SAMD9: variants seen among roughly 807,000 people sequenced by gnomAD.
SAMD9 encodes the protein sterile alpha motif domain containing 9, also known as sterile alpha motif domain-containing protein 9.
In SAMD9, 3 loss-of-function variants were observed where a neutral mutation model predicts 1.5. The ratio of observed to expected loss-of-function variants is 2.05; its 90% CI spans 0.93 to 5.29. The LOEUF is 5.29. Among genes scored for constraint, SAMD9 ranks in the 30% most tolerant of loss-of-function variants. SAMD9 has a pLI of 0.02. For missense variants in SAMD9, 1,597 were observed against 1,820.8 expected (o/e 0.88, Z 2.24); for synonymous variants, 635 against 631.9 (o/e 1.00, Z -0.07).
In SAMD9 at chr7:93,105,763, T is replaced by C. The variant is rs750585395; in HGVS notation, c.335A>G (p.Gln112Arg). Residue 112 changes from glutamine (Q) to arginine (R), a missense_variant, in exon 3 of 3, where the codon CAA becomes CGA. Gln to Arg is a conservative substitution (Grantham distance 43). This residue lies in a region of SAMD9 where 498 missense variants were observed against 457.4 expected (regional missense o/e 1.09). Transcript: ENST00000379958. ...TGGGTTCTCTTTACCCTTTTGTTTT[T>C]GCTTTGAAGTTTCTCTACGTTCCTT... ...SQKERRETSK[Q>R]KQKGKENPDM... 1 of 1,614,122 alleles carries C rather than the reference T, an allele frequency of 6.2e-7. No homozygotes were observed. Among genetic ancestry groups the C allele is most frequent in the Admixed American group, 1.7e-5 (1 of 60,012 alleles).
intron 1 of SAMD9, among the ~76,000 whole-genome samples, chr7:93,117,409 GC>G (rs1471988613): frequency 6.6e-6 from 1 of 151,922 alleles, no homozygotes; most frequent in Non-Finnish European, 1.5e-5. Flanking sequence ...CTCCAAAGTA[GC>G]TAGACTGCAG....
Position 93,108,734 on chromosome 7 carries a change from G to A in SAMD9, c.-8-2629C>T, listed in dbSNP as rs185200860. On this transcript the variant is annotated intron_variant, in intron 2 of 2. Coordinates refer to ENST00000379958, the MANE Select transcript of SAMD9 (RefSeq NM_017654.4). ...CAGCAGTCTGAGATTGAACTGCAAG[G>A]CGGCAGCAAGCCTGGGGGAGGGGCG... Among the ~76,000 whole-genome samples the A allele has an allele frequency of 2.5e-3, 381 of 152,312 alleles. 3 individuals are homozygous for A. The highest frequency in any genetic ancestry group is 8.5e-3 in the African/African-American group (353 of 41,568).
chr7:93,101,581 G>T lies in SAMD9; in HGVS notation c.4517C>A (p.Pro1506Gln). The change falls in exon 3 of 3, where the codon CCA (proline) becomes CAA (glutamine). Residue 1506 changes from proline (P) to glutamine (Q), a missense_variant. By Grantham distance (76) the Pro-to-Gln change is moderately conservative (BLOSUM62 -1). This residue lies in a region of SAMD9 where 682 missense variants were observed against 810.0 expected (regional missense o/e 0.84). Coordinates refer to ENST00000379958, the MANE Select transcript of SAMD9 (RefSeq NM_017654.4). The part of the protein sequence containing the change: ...GKIDQCFKKT[P>Q]DINSLWQSGD... ...ACTCTGCCACAAGGAATTAATATCT[G>T]GTGTCTTCTTAAAGCACTGGTCAAT... The T allele has an allele frequency of 6.2e-7, 1 of 1,613,764 alleles. No homozygotes were observed. Among genetic ancestry groups the T allele is most frequent in the Non-Finnish European group, 8.5e-7 (1 of 1,179,772 alleles).
At position 93,105,778 on chromosome 7, in the gene SAMD9, C is replaced by G; in HGVS notation, c.320G>C (p.Arg107Thr). The G allele has an allele frequency of 6.2e-7, 1 of 1,614,122 alleles. No homozygotes were observed. Among genetic ancestry groups the G allele is most frequent in the Non-Finnish European group, 8.5e-7 (1 of 1,180,010 alleles). Residue 107 changes from arginine to threonine, a missense_variant, in exon 3 of 3, where the codon AGA (arginine) becomes ACA (threonine). Arg to Thr is a moderately conservative substitution (Grantham distance 71). This residue lies in a region of SAMD9 where 498 missense variants were observed against 457.4 expected (regional missense o/e 1.09). Coordinates refer to ENST00000379958, the MANE Select transcript of SAMD9 (RefSeq NM_017654.4). ...KDQTVSQKER[R>T]ETSKQKQKGK... Reference sequence around the variant, plus strand: ...CTTTTGTTTTTGCTTTGAAGTTTCTCTACGTTCCTTTTGAGACACAGTTTG... The same window carrying G: ...CTTTTGTTTTTGCTTTGAAGTTTCTGTACGTTCCTTTTGAGACACAGTTTG...
chr7:93,105,426 T>C lies in SAMD9; in HGVS notation c.672A>G (p.Ser224=), dbSNP rs1365864321. 2 of 1,614,074 alleles carry C rather than the reference T, an allele frequency of 1.2e-6. No homozygotes were observed. Among genetic ancestry groups the C allele is most frequent in the Admixed American group, 1.7e-5 (1 of 60,016 alleles). Residue 224 remains serine (S), a synonymous_variant, in exon 3 of 3, where the codon TCA becomes TCG. Transcript: ENST00000379958. ...CATTGGTACGTGAATTCATACAAGCTGAAGCAAATCGGAAAACCTCATTGC... is the reference window on the plus strand; with the variant it reads ...CATTGGTACGTGAATTCATACAAGCCGAAGCAAATCGGAAAACCTCATTGC... ...KFSNEVFRFA[S]ACMNSRTNGT... is the part of the protein sequence containing the mutation.
rs2116413009 is a variant in SAMD9 at position 93,101,973 on chromosome 7, T to C, written c.4125A>G (p.Gln1375=). 6.2e-7 allele frequency: 1 copy of C among 1,613,842 alleles called. No homozygotes were observed. ...IVNEYTFLLE[Q]CTVKIQSKEK... is the part of the protein sequence containing the mutation. ...CTTTTGACTGGATTTTGACAGTGCATTGTTCTAAGAGAAAAGTATATTCGT... is the reference window on the plus strand; with the variant it reads ...CTTTTGACTGGATTTTGACAGTGCACTGTTCTAAGAGAAAAGTATATTCGT... Residue 1375 remains glutamine (Q), a synonymous_variant, in exon 3 of 3, where the codon CAA becomes CAG. Transcript: ENST00000379958.
Position 93,105,710 on chromosome 7 carries a change from T to A in SAMD9, c.388A>T (p.Thr130Ser). The A allele has an allele frequency of 6.2e-7, 1 of 1,614,094 alleles. No homozygotes were observed. Among genetic ancestry groups the A allele is most frequent in the Non-Finnish European group, 8.5e-7 (1 of 1,179,994 alleles). ...AGTGACTTAGAACCTTTAGCAGTTGTACTCATTGCAGACGGATTAGCCATA... is the reference window on the plus strand; with the variant it reads ...AGTGACTTAGAACCTTTAGCAGTTGAACTCATTGCAGACGGATTAGCCATA... ...PDMANPSAMS[T>S]TAKGSKSLKV... Residue 130 changes from threonine (T) to serine (S), a missense_variant, in exon 3 of 3, where the codon ACA (threonine) becomes TCA (serine). Transcript: ENST00000379958.
chr7:93,102,311 A>T lies in SAMD9; in HGVS notation c.3787T>A (p.Ser1263Thr). The change falls in exon 3 of 3, where the codon TCT becomes ACT. Residue 1263 changes from serine to threonine, a missense_variant. Transcript: ENST00000379958. ...AAAAAATCAAAGGACTTTTTCAAAG[A>T]AAATTTCAATTTAGTTAAATAAGGA... ...YIPYLTKLKF[S>T]LKKSFDFFDE... 3 of 1,610,624 alleles carry T rather than the reference A, an allele frequency of 1.9e-6. No individual in the cohort carries two copies. Among genetic ancestry groups the T allele is most frequent in the Non-Finnish European group, 2.5e-6 (3 of 1,177,238 alleles).
intron 2 of SAMD9, among the ~76,000 whole-genome samples, chr7:93,112,358 G>A (rs1167234732): frequency 7.2e-5 from 11 of 152,126 alleles, no homozygotes; most frequent in Admixed American, 2.6e-4. Flanking sequence ...CATACTGAAT[G>A]GGCAAAAACT....
rs776558044 is a variant in SAMD9, at chr7:93,105,000, A to C, written c.1098T>G (p.Phe366Leu). The C allele has an allele frequency of 1.2e-6, 2 of 1,613,488 alleles. No individual in the cohort carries two copies. The highest frequency in any genetic ancestry group is 2.7e-5 in the African/African-American group (2 of 74,878). The change falls in exon 3 of 3, where the codon TTT becomes TTG. Residue 366 changes from phenylalanine (F) to leucine (L), a missense_variant. By Grantham distance (22) the Phe-to-Leu change is conservative. Around this residue, in one of 6 missense-constraint regions of SAMD9, gnomAD observed 498 missense variants for 457.4 expected, o/e 1.09. Transcript: ENST00000379958. ...KVDFRAFKAD[F>L]KTLAESRKAA... is the part of the protein sequence containing the mutation. ...CTTTTCTGGACTCTGCCAGTGTTTT[A>C]AAATCTGCTTTAAATGCTCTGAAAT... is the stretch of plus-strand genomic sequence containing the variant.
rs775609244 is a variant in SAMD9 at position 93,101,602 on chromosome 7, T to A, written c.4496A>T (p.Asp1499Val). 1.9e-6 allele frequency: 3 copies of A among 1,613,922 alleles called. No individual in the cohort carries two copies. In the East Asian group the frequency reaches 6.7e-5, roughly 36 times the overall value. Residue 1499 changes from aspartate (D) to valine (V), a missense_variant, in exon 3 of 3, where the codon GAC becomes GTC. Physicochemically the swap from Asp to Val is radical, Grantham distance 152 (BLOSUM62 -3). Around this residue, in one of 6 missense-constraint regions of SAMD9, gnomAD observed 682 missense variants for 810.0 expected, o/e 0.84. Transcript: ENST00000379958. ...LERLVHKGKI[D>V]QCFKKTPDIN... ...ATCTGGTGTCTTCTTAAAGCACTGG[T>A]CAATTTTTCCTTTGTGAACAAGTCT...
chr7:93,113,096 C>T (rs1791773987), intron 2 of SAMD9, among the ~76,000 whole-genome samples: 1 of 152,022 alleles, frequency 6.6e-6, no homozygotes, highest in East Asian at 1.9e-4. Context: ...GTACTGGTAC[C>T]AAAACAGAGA....
chr7:93,105,828 C>T lies in SAMD9; in HGVS notation c.270G>A (p.Lys90=). The T allele has an allele frequency of 1.2e-6, 2 of 1,614,124 alleles. No individual in the cohort carries two copies. ...EDSIQTSKMG[K]PSKNAPKDQT... ...GGTCTTTAGGAGCATTTTTACTGGG[C>T]TTTCCCATCTTAGATGTCTGAATCG... The change falls in exon 3 of 3, where the codon AAG becomes AAA. Residue 90 remains lysine (K), a synonymous_variant. Coordinates refer to ENST00000379958, the MANE Select transcript of SAMD9 (RefSeq NM_017654.4).
chr7:93,101,479 T>C lies in SAMD9; in HGVS notation c.4619A>G (p.Tyr1540Cys). 3 of 1,613,796 alleles carry C rather than the reference T, an allele frequency of 1.9e-6. No individual in the cohort carries two copies. The highest frequency in any genetic ancestry group is 1.1e-5 in the South Asian group (1 of 91,080). Residue 1540 changes from tyrosine (Y) to cysteine (C), a missense_variant, in exon 3 of 3, where the codon TAT becomes TGT. Physicochemically the swap from Tyr to Cys is radical, Grantham distance 194. Coordinates refer to ENST00000379958, the MANE Select transcript of SAMD9 (RefSeq NM_017654.4). ...LQGRAENNCL[Y>C]IEYGINEKIT... ...TTTTTCATTGATTCCATATTCTATA[T>C]ATAAACAATTGTTTTCAGCTCGACC...
intron 1 of SAMD9, among the ~76,000 whole-genome samples, chr7:93,115,532 G>T (rs942290485): frequency 6.6e-6 from 1 of 152,160 alleles, no homozygotes; most frequent in African/African-American, 2.4e-5. Context: ...ATGTTGGGGG[G>T]TGGATATTTT....
intron 2 of SAMD9, among the ~76,000 whole-genome samples, chr7:93,113,326 C>T (rs1288972436): frequency 2.6e-5 from 4 of 152,114 alleles, no homozygotes; most frequent in African/African-American, 4.8e-5. Context: ...AAGACTTAAA[C>T]GTTAGAGCTA....
At chr7:93,114,255 A>C (rs1584260340) in intron 2 of SAMD9, among the ~76,000 whole-genome samples, 1 of 138,500 alleles carries the variant, frequency 7.2e-6, no homozygotes, top group East Asian at 2.3e-4. Flanking sequence ...AACAATGAGA[A>C]CACTGGGACA....
In SAMD9 at chr7:93,105,020, T is replaced by G. The variant is rs1791607429; in HGVS notation, c.1078A>C (p.Arg360=). The change falls in exon 3 of 3, where the codon AGA becomes CGA. Residue 360 remains arginine (R), a synonymous_variant. Coordinates refer to ENST00000379958, the MANE Select transcript of SAMD9 (RefSeq NM_017654.4). ...KDITKNKVDF[R]AFKADFKTLA... The stretch of plus-strand genomic sequence containing the variant: ...GTTTTAAAATCTGCTTTAAATGCTC[T>G]GAAATCAACTTTATTTTTCGTAATG... 2 of 1,613,852 alleles carry G rather than the reference T, an allele frequency of 1.2e-6. No individual in the cohort carries two copies. Among genetic ancestry groups the G allele is most frequent in the African/African-American group, 2.7e-5 (2 of 74,946 alleles).
chr7:93,113,930 C>A (rs1346680795), intron 2 of SAMD9, among the ~76,000 whole-genome samples: 1 of 152,154 alleles, frequency 6.6e-6, no homozygotes, highest in African/African-American at 2.4e-5. Context: ...ACCATTTGAC[C>A]CAGCCATCCC....
Sources: allele counts gnomAD v4.1 joint callset (sites outside exome capture counted in the v4.1 genomes callset), GRCh38; gene constraint gnomAD v4.1.1; regional missense constraint gnomAD v4.1.1; transcripts MANE v1.5; gene names NCBI Gene and HGNC (gene_info 2026-07-23, HGNC 2026-07-21).